USP20: variants seen among roughly 807,000 people sequenced by gnomAD.
USP20 encodes ubiquitin specific peptidase 20.
In USP20, 80 loss-of-function variants were observed where a neutral mutation model predicts 124.2. The ratio of observed to expected loss-of-function variants is 0.64; its 90% CI spans 0.54 to 0.78. USP20 has a LOEUF of 0.78. Ranked by LOEUF, USP20 falls within the 30% of genes least tolerant of loss-of-function variation. The pLI is 0.00. For missense variants in USP20, 1,043 were observed against 1,244.4 expected, an observed-to-expected ratio of 0.84 and a Z score of 2.44; for synonymous variants, 481 against 512.3, an observed-to-expected ratio of 0.94 and a Z score of 0.83.
At chr9:129,865,044 G>T (rs571791200) in intron 9 of USP20, among the ~76,000 whole-genome samples, 1 of 152,320 alleles carries the variant, frequency 6.6e-6, no homozygotes, top group African/African-American at 2.4e-5. Context: ...TCATGTTTAG[G>T]CGAGTTTGTT....
At chr9:129,876,928 C>A (rs978454838) in intron 22 of USP20, among the ~76,000 whole-genome samples, 1 of 152,038 alleles carries the variant, frequency 6.6e-6, no homozygotes, top group Non-Finnish European at 1.5e-5. Context: ...AAAATGACCT[C>A]CAGAGATTGC....
At chr9:129,846,247 ATTTTTT>A (rs35809246) in intron 1 of USP20, among the ~76,000 whole-genome samples, 3 of 32,682 alleles carry the variant, frequency 9.2e-5, no homozygotes, top group African/African-American at 1.2e-4. Flanking sequence ...ATATATATAT[ATTTTTT>A]TTTTTTTTTT....
intron 20 of USP20, 35 bp from the exon 21 acceptor site, chr9:129,875,525 G>C: frequency 6.2e-7 from 1 of 1,613,288 alleles, no homozygotes; most frequent in Non-Finnish European, 8.5e-7. Flanking sequence ...CAGCTGGGCC[G>C]AGCCACAGCT....
At chr9:129,838,508 A>G (rs1271649745) in intron 1 of USP20, among the ~76,000 whole-genome samples, 2 of 152,200 alleles carry the variant, frequency 1.3e-5, no homozygotes, top group Non-Finnish European at 2.9e-5. Flanking sequence ...TTTATCATCA[A>G]CGACTGCTCA....
In USP20 at chr9:129,857,951, G is replaced by T. The variant is rs1023949762; in HGVS notation, c.136-99G>T. 2.8e-6 allele frequency: 3 copies of T among 1,082,776 alleles called. No individual in the cohort carries two copies. In the African/African-American group the frequency reaches 4.6e-5, roughly 17 times the overall value. The allele number at this position is 1,082,776 out of a possible 1,614,324, so 67.1% of individuals were successfully genotyped here. ...TCAGTCCCTTGTGGCCCCTATTCAG[G>T]AGAGGTAGGGGCACTGACTTTGGGA... On this transcript the variant is annotated intron_variant, in intron 4 of 25. Coordinates refer to ENST00000372429, the MANE Select transcript of USP20 (RefSeq NM_001110303.4).
intron 1 of USP20, among the ~76,000 whole-genome samples, chr9:129,842,304 C>T (rs1262673432): frequency 6.6e-6 from 1 of 152,160 alleles, no homozygotes; most frequent in Admixed American, 6.5e-5. Context: ...AATGTATGTG[C>T]AGCAGCTAAC....
rs2033540953 is a variant in USP20, at chr9:129,861,400, C to T, written c.428-143C>T. The T allele has an allele frequency of 1.9e-5, 14 of 730,900 alleles. No homozygotes were observed. The South Asian group carries it at 2.1e-4, about 11-fold the overall frequency. The allele number at this position is 730,900 out of a possible 1,614,324, so 45.3% of individuals were successfully genotyped here. On this transcript the variant is annotated intron_variant, in intron 7 of 25. Transcript: ENST00000372429. ...ACCACGTTAGTTTACTGGGAAGATT[C>T]CTGGGGTGGAACGCTTCCACCATGT... is the stretch of plus-strand genomic sequence containing the variant.
In USP20 at chr9:129,880,311, C is replaced by CT. The variant is rs759531652; in HGVS notation, c.*16+23dup. ...GTCTGTAAGTCGCCCCGGCTGGTCCCTCCATGGCACTCTGGGTCCTCTCCT... is the reference window on the plus strand; with the variant it reads ...GTCTGTAAGTCGCCCCGGCTGGTCCCTTCCATGGCACTCTGGGTCCTCTCCT... On this transcript the variant is annotated intron_variant, in intron 25 of 25. Coordinates refer to ENST00000372429, the MANE Select transcript of USP20 (RefSeq NM_001110303.4). 3.2e-6 allele frequency: 5 copies of CT among 1,540,484 alleles called. No individual in the cohort carries two copies. The South Asian group carries it at 5.9e-5, about 18-fold the overall frequency.
At chr9:129,836,262 C>T (rs1046390988) in intron 1 of USP20, among the ~76,000 whole-genome samples, 2 of 152,170 alleles carry the variant, frequency 1.3e-5, no homozygotes, top group Admixed American at 6.5e-5. Flanking sequence ...CAGTGTCATC[C>T]CTTACTTTGA....
intron 1 of USP20, among the ~76,000 whole-genome samples, chr9:129,848,893 G>A (rs1328134132): frequency 1.3e-5 from 2 of 152,222 alleles, no homozygotes; most frequent in African/African-American, 4.8e-5. Flanking sequence ...ATTGTCATGT[G>A]ACTATTTTAA....
intron 10 of USP20, among the ~76,000 whole-genome samples, chr9:129,866,915 C>T (rs535558175): frequency 5.3e-5 from 8 of 152,312 alleles, no homozygotes; most frequent in East Asian, 1.9e-4. Flanking sequence ...AATGTAACCT[C>T]GTGGTTCATT....
At chr9:129,846,020 G>A (rs1208043596) in intron 1 of USP20, among the ~76,000 whole-genome samples, 2 of 151,814 alleles carry the variant, frequency 1.3e-5, no homozygotes, top group Non-Finnish European at 2.9e-5. Flanking sequence ...AGCCTCCTGG[G>A]TTCATGCCTT....
intron 4 of USP20, 131 bp from the exon 5 acceptor site, chr9:129,857,919 C>T (rs2033298125): frequency 1.3e-6 from 1 of 778,730 alleles, no homozygotes; most frequent in Non-Finnish European, 2.2e-6. Context: ...TTTGAGATGG[C>T]AGAGCCTCAG....
chr9:129,856,096 G>T (rs918923525), intron 3 of USP20, among the ~76,000 whole-genome samples: 2 of 152,234 alleles, frequency 1.3e-5, no homozygotes, highest in African/African-American at 4.8e-5. Context: ...GCACAGGATA[G>T]AATTCAAACA....
In USP20 at chr9:129,868,845, AC is replaced by A; in HGVS notation, c.1136-14del. 1 of 1,535,544 alleles carries A rather than the reference AC, an allele frequency of 6.5e-7. No homozygotes were observed. Among genetic ancestry groups the A allele is most frequent in the Non-Finnish European group, 8.8e-7 (1 of 1,138,268 alleles). On this transcript the variant is annotated splice_polypyrimidine_tract_variant and intron_variant, in intron 11 of 25. Coordinates refer to ENST00000372429, the MANE Select transcript of USP20 (RefSeq NM_001110303.4). ...CCTGGCTGCCCTGGCCCAGCATGGT[AC>A]CCTCTCTGCCCCCAGAGCCGGACAA...
At chr9:129,850,187 G>A (rs2032830109) in intron 2 of USP20, among the ~76,000 whole-genome samples, 1 of 152,204 alleles carries the variant, frequency 6.6e-6, no homozygotes, top group Non-Finnish European at 1.5e-5. Flanking sequence ...ACATGGAAGT[G>A]CGTTATATAG....
chr9:129,836,847 A>G (rs2031876355), intron 1 of USP20, among the ~76,000 whole-genome samples: 1 of 151,620 alleles, frequency 6.6e-6, no homozygotes, highest in South Asian at 2.1e-4. Flanking sequence ...GATGATGGAG[A>G]GGCTCCTTGG....
In USP20 at chr9:129,869,856, T is replaced by C; in HGVS notation, c.1565+12T>C. ...GAGTACATCCGACGGTGCGCCCACCTTGCCACTACTGGGCGACATGGGCTG... is the reference window on the plus strand; with the variant it reads ...GAGTACATCCGACGGTGCGCCCACCCTGCCACTACTGGGCGACATGGGCTG... On this transcript the variant is annotated intron_variant, in intron 14 of 25. Transcript: ENST00000372429. 1 of 1,604,842 alleles carries C rather than the reference T, an allele frequency of 6.2e-7. No individual in the cohort carries two copies. The highest frequency in any genetic ancestry group is 8.5e-7 in the Non-Finnish European group (1 of 1,177,206).
At chr9:129,855,227 C>T (rs559042407) in intron 3 of USP20, among the ~76,000 whole-genome samples, 6 of 152,220 alleles carry the variant, frequency 3.9e-5, no homozygotes, top group East Asian at 3.9e-4. Context: ...GTCAGGAGAT[C>T]GAGGCCATCC....
Sources: gnomAD v4.1 joint callset for allele counts (sites outside exome capture counted in the v4.1 genomes callset) on GRCh38, gnomAD v4.1.1 for gene constraint, MANE v1.5 for transcripts, NCBI Gene and HGNC (gene_info 2026-07-23, HGNC 2026-07-21) for gene names.